Variants in FLRT2 observed in about 807,000 individuals in gnomAD.
The protein encoded by FLRT2 is leucine-rich repeat transmembrane protein FLRT2.
A neutral mutation model predicts 40.0 loss-of-function variants in FLRT2; 15 were observed. That is an observed-to-expected ratio of 0.38 (90% CI 0.25 to 0.58). The LOEUF is 0.58. FLRT2 is among the 20% of genes least tolerant of loss of function. The pLI, the probability that FLRT2 is intolerant of heterozygous loss-of-function variation, is 0.71. For missense variants in FLRT2, 726 were observed against 840.0 expected (o/e 0.86, Z 1.68); for synonymous variants, 380 against 336.8 (o/e 1.13, Z -1.41).
chr14:85,588,853 A>G (rs1481842387), intron 1 of FLRT2, among the ~76,000 whole-genome samples: 1 of 152,146 alleles, frequency 6.6e-6, no homozygotes, highest in Admixed American at 6.5e-5. Flanking sequence ...GATTTCACAA[A>G]CAAATGAGAA....
rs972670359 is a variant in FLRT2 at position 85,630,319 on chromosome 14, T to C, written c.*6822T>C. On this transcript the variant is annotated 3_prime_UTR_variant, in exon 2 of 2. Transcript: ENST00000330753. ...TTTTTTTTTTTTTTGGTATGAAGTC[T>C]AAACTAGACGAAAACCTCAATATAT... is the stretch of plus-strand genomic sequence containing the variant. 3.8e-5 allele frequency: 5 copies of C among 132,318 alleles called. No homozygotes were observed. The highest frequency in any genetic ancestry group is 1.4e-4 in the African/African-American group (5 of 35,446). The allele number at this position is 132,318 out of a possible 1,614,324, so 8.2% of individuals were successfully genotyped here. A position where few individuals can be genotyped will look rare whatever the true frequency, so the allele number is the denominator to read the frequency against.
At chr14:85,542,581 G>C (rs1889040906) in intron 1 of FLRT2, among the ~76,000 whole-genome samples, 1 of 152,098 alleles carries the variant, frequency 6.6e-6, no homozygotes, top group Admixed American at 6.5e-5. Flanking sequence ...TTAGTAAGTA[G>C]CTTCTGAACC....
intron 1 of FLRT2, chr14:85,559,551 G>A (rs1219677031): frequency 6.6e-6 from 1 of 152,146 alleles, no homozygotes; most frequent in East Asian, 1.9e-4. Context: ...ATACATGCTT[G>A]TAGTAAAGAT....
At chr14:85,597,219 A>C (rs1892179701) in intron 1 of FLRT2, among the ~76,000 whole-genome samples, 1 of 152,156 alleles carries the variant, frequency 6.6e-6, no homozygotes, top group Admixed American at 6.5e-5. Context: ...AAATGAGAGA[A>C]TATATATCAG....
At position 85,622,607 on chromosome 14, in the gene FLRT2, C is replaced by T. The variant is rs977015481; in HGVS notation, c.1093C>T (p.Pro365Ser). 1 of 1,613,622 alleles carries T rather than the reference C, an allele frequency of 6.2e-7. No individual in the cohort carries two copies. The highest frequency in any genetic ancestry group is 8.5e-7 in the Non-Finnish European group (1 of 1,179,940). ...TCTTTTGTCCTGTCCCACCACGACC[C>T]CCGGCCTGCCTCTCTTCACCCCAGC... ...MNLLSCPTTT[P>S]GLPLFTPAPS... The change falls in exon 2 of 2, where the codon CCC becomes TCC. Residue 365 changes from proline to serine, a missense_variant. Physicochemically the swap from Pro to Ser is moderately conservative, Grantham distance 74. Around this residue, in one of 3 missense-constraint regions of FLRT2, gnomAD observed 611 missense variants for 690.0 expected, o/e 0.89. Transcript: ENST00000330753.
chr14:85,641,870 C>T lies in FLRT2; in HGVS notation c.*18373C>T, dbSNP rs1322594818. ...TTGGCTTGCAATGAGAAAAAAAAAT[C>T]AGCAGCTGAAATTATTACCTGAGAT... On this transcript the variant is annotated 3_prime_UTR_variant, in exon 2 of 2. Coordinates refer to ENST00000330753, the MANE Select transcript of FLRT2 (RefSeq NM_013231.6). 1 of 150,684 alleles carries T rather than the reference C, an allele frequency of 6.6e-6. No homozygotes were observed. Among genetic ancestry groups the T allele is most frequent in the Non-Finnish European group, 1.5e-5 (1 of 67,762 alleles). 9.3% of individuals were successfully genotyped at this position (150,684 alleles called of 1,614,324 possible).
At position 85,646,925 on chromosome 14, in the gene FLRT2, G is replaced by A. The variant is rs1350548456; in HGVS notation, c.*23428G>A. ...TAAGGAAGGGGCTTAAGATATGGAA[G>A]TTGCCTGGGACCAACATACTCTGTC... On this transcript the variant is annotated 3_prime_UTR_variant, in exon 2 of 2. Coordinates refer to ENST00000330753, the MANE Select transcript of FLRT2 (RefSeq NM_013231.6). The A allele has an allele frequency of 1.3e-5, 2 of 152,310 alleles. No individual in the cohort carries two copies. The highest frequency in any genetic ancestry group is 1.9e-4 in the East Asian group (1 of 5,182). The allele number at this position is 152,310 out of a possible 1,614,324, so 9.4% of individuals were successfully genotyped here.
chr14:85,582,926 A>G (rs1213586280), intron 1 of FLRT2, among the ~76,000 whole-genome samples: 4 of 151,902 alleles, frequency 2.6e-5, no homozygotes, highest in African/African-American at 4.8e-5. Flanking sequence ...ATATATTTCT[A>G]TAATTTTCTG....
chr14:85,540,470 C>G (rs2139808876), intron 1 of FLRT2, among the ~76,000 whole-genome samples: 1 of 152,222 alleles, frequency 6.6e-6, no homozygotes, highest in African/African-American at 2.4e-5. Context: ...GTTTATTTCT[C>G]TTTGCTAAAT....
chr14:85,601,884 A>T (rs1208685141), intron 1 of FLRT2, among the ~76,000 whole-genome samples: 4 of 152,204 alleles, frequency 2.6e-5, no homozygotes, highest in Non-Finnish European at 5.9e-5. Flanking sequence ...AAAATGGGAA[A>T]CTTTCCCTTG....
chr14:85,634,557 G>A lies in FLRT2; in HGVS notation c.*11060G>A, dbSNP rs1893957038. The stretch of plus-strand genomic sequence containing the variant: ...AAGACTGTAGCCTATTGGATGGGAA[G>A]TTATATTATGAAAACATGATGAATC... On this transcript the variant is annotated 3_prime_UTR_variant, in exon 2 of 2. Coordinates refer to ENST00000330753, the MANE Select transcript of FLRT2 (RefSeq NM_013231.6). 1 of 152,188 alleles carries A rather than the reference G, an allele frequency of 6.6e-6. No individual in the cohort carries two copies. Among genetic ancestry groups the A allele is most frequent in the Admixed American group, 6.5e-5 (1 of 15,276 alleles). The allele number at this position is 152,188 out of a possible 1,614,324, so 9.4% of individuals were successfully genotyped here.
rs1440659343 is a variant in FLRT2 at position 85,579,932 on chromosome 14, T to TTTC, written c.-376-41205_-376-41204insCTT. 3.1e-4 allele frequency among the ~76,000 whole-genome samples: 46 copies of TTTC among 149,882 alleles called. No individual in the cohort carries two copies. The Middle Eastern group carries it at 0.01, about 33-fold the overall frequency. On this transcript the variant is annotated intron_variant, in intron 1 of 1. Transcript: ENST00000330753. Reference sequence around the variant, plus strand: ...CATGCACAGGGTATTAGAATTTTTTTTTTTTTTTTTTTTTTTAAATAAGTG... The same window carrying TTTC: ...CATGCACAGGGTATTAGAATTTTTTTTTCTTTTTTTTTTTTTTTTAAATAAGTG...
chr14:85,625,378 C>A lies in FLRT2; in HGVS notation c.*1881C>A, dbSNP rs897947363. The A allele has an allele frequency of 1.2e-5, 2 of 166,878 alleles. No individual in the cohort carries two copies. Among genetic ancestry groups the A allele is most frequent in the South Asian group, 2.1e-4 (1 of 4,832 alleles). 10.3% of individuals were successfully genotyped at this position (166,878 alleles called of 1,614,324 possible). A position where few individuals can be genotyped will look rare whatever the true frequency, so the allele number is the denominator to read the frequency against. On this transcript the variant is annotated 3_prime_UTR_variant, in exon 2 of 2. Coordinates refer to ENST00000330753, the MANE Select transcript of FLRT2 (RefSeq NM_013231.6). ...AGTTTAGGTATAAAATGCTATGCAACTTTTTCTTTATAGTAAGAGCTTTAT... is the reference window on the plus strand; with the variant it reads ...AGTTTAGGTATAAAATGCTATGCAAATTTTTCTTTATAGTAAGAGCTTTAT...
chr14:85,544,125 G>A (rs546181292), intron 1 of FLRT2, among the ~76,000 whole-genome samples: 1 of 152,168 alleles, frequency 6.6e-6, no homozygotes, highest in African/African-American at 2.4e-5. Context: ...TATTCCCATA[G>A]ATTGATTACC....
At chr14:85,533,454 G>A (rs1054874425) in intron 1 of FLRT2, among the ~76,000 whole-genome samples, 1 of 152,006 alleles carries the variant, frequency 6.6e-6, no homozygotes, top group Non-Finnish European at 1.5e-5. Flanking sequence ...GCTCCGAGCT[G>A]TCCGCACACA....
At chr14:85,600,109 T>A (rs1892317081) in intron 1 of FLRT2, among the ~76,000 whole-genome samples, 1 of 152,284 alleles carries the variant, frequency 6.6e-6, no homozygotes, top group South Asian at 2.1e-4. Flanking sequence ...ATGTGAGCGA[T>A]GTTGTAAAAG....
rs531438872 is a variant in FLRT2 at position 85,557,932 on chromosome 14, GA to G, written c.-377+27401del. Among the ~76,000 whole-genome samples the G allele has an allele frequency of 1.9e-3, 284 of 152,238 alleles. 3 individuals are homozygous for G. Among genetic ancestry groups the G allele is most frequent in the African/African-American group, 6.6e-3 (273 of 41,546 alleles). Reference sequence around the variant, plus strand: ...TGGTAGAAGGAAAATGGTGACTGTAGAAATGGTCAAACTGGGATCTTTTTCA... The same window carrying G: ...TGGTAGAAGGAAAATGGTGACTGTAGAATGGTCAAACTGGGATCTTTTTCA... On this transcript the variant is annotated intron_variant, in intron 1 of 1. Coordinates refer to ENST00000330753, the MANE Select transcript of FLRT2 (RefSeq NM_013231.6).
chr14:85,607,914 G>T (rs1356387159), intron 1 of FLRT2, among the ~76,000 whole-genome samples: 1 of 151,904 alleles, frequency 6.6e-6, no homozygotes, highest in African/African-American at 2.4e-5. Context: ...GGCAGGGCTG[G>T]TTTCTTCCTA....
chr14:85,575,407 A>G (rs939411715), intron 1 of FLRT2, among the ~76,000 whole-genome samples: 8 of 152,122 alleles, frequency 5.3e-5, no homozygotes, highest in African/African-American at 1.9e-4. Context: ...TTGTTGTCGA[A>G]GGAATTAAGG....
Sources: allele counts gnomAD v4.1 joint callset (sites outside exome capture counted in the v4.1 genomes callset), GRCh38; gene constraint gnomAD v4.1.1; regional missense constraint gnomAD v4.1.1; transcripts MANE v1.5; gene names NCBI Gene and HGNC (gene_info 2026-07-23, HGNC 2026-07-21).